Variants in TMEM150B observed in about 807,000 individuals in gnomAD.
The protein encoded by TMEM150B is transmembrane protein 150B.
Under a neutral mutation model 25.2 loss-of-function variants are expected in TMEM150B, and 33 were observed. The observed-to-expected ratio is 1.31, with a 90% confidence interval of 0.99 to 1.75. TMEM150B has a LOEUF of 1.75. TMEM150B is among the 40% of genes most tolerant of loss of function. The pLI is 0.00. For synonymous variants in TMEM150B, 133 were observed against 134.8 expected (o/e 0.99, Z 0.09); for missense variants, 322 against 306.1 (o/e 1.05, Z -0.39).
chr19:55,311,905 TTGC>T, downstream of TMEM150B: 1 of 1,611,132 alleles, frequency 6.2e-7, no homozygotes, highest in East Asian at 2.2e-5. Context: ...TCTTCCTCCC[TTGC>T]AGACGAGAAG....
At chr19:55,319,271 CT>C (rs1450065441) in intron 6 of TMEM150B, among the ~76,000 whole-genome samples, 31 of 151,778 alleles carry the variant, frequency 2.0e-4, no homozygotes, top group African/African-American at 7.5e-4. Flanking sequence ...GCCACCACCC[CT>C]AGCTAATTTT....
chr19:55,311,705 G>T (rs552625695), downstream of TMEM150B, among the ~76,000 whole-genome samples: 2 of 152,286 alleles, frequency 1.3e-5, no homozygotes, highest in African/African-American at 4.8e-5. Flanking sequence ...CGTCCTAGGG[G>T]AGTCAGGCCT....
intron 6 of TMEM150B, chr19:55,319,805 A>T: frequency 1.5e-6 from 2 of 1,349,650 alleles, no homozygotes; most frequent in Non-Finnish European, 1.9e-6. Context: ...AATTATCCCA[A>T]CGTCCTGGAA....
chr19:55,319,972 G>C, intron 6 of TMEM150B, 67 bp downstream of exon 6: 1 of 1,609,674 alleles, frequency 6.2e-7, no homozygotes, highest in Non-Finnish European at 8.5e-7. Context: ...TATGGCCACG[G>C]GGCATGCTGG....
intron 1 of TMEM150B, chr19:55,324,860 C>G: frequency 1.0e-6 from 1 of 985,280 alleles, no homozygotes; most frequent in East Asian, 1.1e-4. Flanking sequence ...TCAGGGGAAT[C>G]CCTGTCTGTG....
rs1326029399 is a variant in TMEM150B, at chr19:55,316,333, T to C, written c.505+453A>G. Among the ~76,000 whole-genome samples, 8 of 144,682 alleles carry C rather than the reference T, an allele frequency of 5.5e-5. No individual in the cohort carries two copies. In the East Asian group the frequency reaches 1.2e-3, roughly 21 times the overall value. 94.9% of individuals were successfully genotyped at this position (144,682 alleles called of 152,430 possible). On this transcript the variant is annotated intron_variant, in intron 7 of 7. Transcript: ENST00000326652. ...CGCATCCTGGCCGAAAGACTTTTCCTGTCTGAACCCGTCTTCACTCGTAAC... is the reference window on the plus strand; with the variant it reads ...CGCATCCTGGCCGAAAGACTTTTCCCGTCTGAACCCGTCTTCACTCGTAAC...
intron 2 of TMEM150B, among the ~76,000 whole-genome samples, chr19:55,321,829 G>A (rs749095345): frequency 4.6e-5 from 7 of 152,132 alleles, no homozygotes; most frequent in Non-Finnish European, 1.0e-4. Flanking sequence ...AGGGCCTCAG[G>A]TCGGCCTGCT....
chr19:55,313,667 C>T (rs1259239141), intron 7 of TMEM150B, among the ~76,000 whole-genome samples: 1 of 152,164 alleles, frequency 6.6e-6, no homozygotes, highest in African/African-American at 2.4e-5. Context: ...AAGTCTTGTC[C>T]TATCTGCCTT....
At chr19:55,325,132 T>C (rs901999950) in intron 1 of TMEM150B, 140 bp downstream of exon 1, 4 of 319,566 alleles carry the variant, frequency 1.3e-5, no homozygotes, top group African/African-American at 4.5e-5. Context: ...CCCAACTCGG[T>C]GTCCTGGCAC....
At chr19:55,313,441 G>C (rs1218281626) in intron 7 of TMEM150B, among the ~76,000 whole-genome samples, 1 of 129,904 alleles carries the variant, frequency 7.7e-6, no homozygotes, top group African/African-American at 2.8e-5. Context: ...CCTGCCGCCA[G>C]CCTCGGACTG....
chr19:55,321,411 C>G (rs2089205499), intron 2 of TMEM150B, among the ~76,000 whole-genome samples: 1 of 152,012 alleles, frequency 6.6e-6, no homozygotes, highest in African/African-American at 2.4e-5. Context: ...GGGACTGGGG[C>G]TGGGTGAGCT....
downstream of TMEM150B, among the ~76,000 whole-genome samples, chr19:55,310,560 AC>A (rs2088762646): frequency 1.3e-5 from 2 of 151,754 alleles, no homozygotes; most frequent in South Asian, 4.2e-4. This position sits in a 1 kb window ranked among gnomAD's most constrained non-coding sequence, Gnocchi z 5.0. Flanking sequence ...CCCCCTAGGG[AC>A]ATTTAGTAAT....
chr19:55,323,805 T>TC (rs2089267509), intron 1 of TMEM150B, among the ~76,000 whole-genome samples: 1 of 140,556 alleles, frequency 7.1e-6, no homozygotes, highest in African/African-American at 2.7e-5. Context: ...GCCCAACCTT[T>TC]TTTTTTTTTT....
Position 55,316,848 on chromosome 19 carries a change from G to T in TMEM150B, c.443C>A (p.Ala148Asp). 6.3e-7 allele frequency: 1 copy of T among 1,592,708 alleles called. No homozygotes were observed. ...WRLKRLPQPG[A>D]AWIGPLRLGL... Reference sequence around the variant, plus strand: ...CAGGCGGAGGGGCCCAATCCAGGCAGCCCCGGGCTGGGGCAGCCTCTTCAG... The same window carrying T: ...CAGGCGGAGGGGCCCAATCCAGGCATCCCCGGGCTGGGGCAGCCTCTTCAG... The change falls in exon 7 of 8, where the codon GCT becomes GAT. Residue 148 changes from alanine to aspartate, a missense_variant. Physicochemically the swap from Ala to Asp is moderately radical, Grantham distance 126. Transcript: ENST00000326652.
chr19:55,325,157 C>G (rs1321948841), intron 1 of TMEM150B, 115 bp downstream of exon 1: 4 of 494,996 alleles, frequency 8.1e-6, no homozygotes, highest in Non-Finnish European at 1.0e-5. Context: ...ATGAGTTTGG[C>G]TCACTGGTGT....
chr19:55,312,599 G>A, downstream of TMEM150B: 1 of 395,166 alleles, frequency 2.5e-6, no homozygotes, highest in East Asian at 3.7e-5. Context: ...AGGGACAGCT[G>A]GCTGGCCTTG....
At chr19:55,310,991 C>T (rs906811349), downstream of TMEM150B, among the ~76,000 whole-genome samples, 1 of 152,076 alleles carries the variant, frequency 6.6e-6, no homozygotes, top group African/African-American at 2.4e-5. This position sits in a 1 kb window ranked among gnomAD's most constrained non-coding sequence, Gnocchi z 5.0. Context: ...GACAGAATCT[C>T]CCTCTGTCGC....
rs747996486 is a variant in TMEM150B, at chr19:55,320,955, C to T, written c.68+14G>A. ...CCCTCAGACCCAGGAGTCCATCATG[C>T]CTCTGACACTCACACGATCCAGACG... is the stretch of plus-strand genomic sequence containing the variant. On this transcript the variant is annotated intron_variant, in intron 3 of 7. Coordinates refer to ENST00000326652, the MANE Select transcript of TMEM150B (RefSeq NM_001282011.2). The T allele has an allele frequency of 6.2e-7, 1 of 1,613,176 alleles. No homozygotes were observed. The highest frequency in any genetic ancestry group is 1.3e-5 in the African/African-American group (1 of 75,010).
chr19:55,324,457 G>A (rs973514766), intron 1 of TMEM150B, among the ~76,000 whole-genome samples: 1 of 151,980 alleles, frequency 6.6e-6, no homozygotes, highest in African/African-American at 2.4e-5. Flanking sequence ...AGACCAGCCT[G>A]GCCAACATAG....
Sources: gnomAD v4.1 joint callset for allele counts (sites outside exome capture counted in the v4.1 genomes callset) on GRCh38, gnomAD v4.1.1 for gene constraint, Gnocchi (gnomAD v3.1) non-coding constraint, MANE v1.5 for transcripts, NCBI Gene and HGNC (gene_info 2026-07-23, HGNC 2026-07-21) for gene names.